PDCD1LG2: variants seen among roughly 807,000 people sequenced by gnomAD.
The protein encoded by PDCD1LG2 is programmed cell death 1 ligand 2, also known as B7 dendritic cell molecule.
PDCD1LG2 carries 32 observed loss-of-function variants against 28.2 expected under a neutral mutation model. The ratio of observed to expected loss-of-function variants is 1.13; its 90% CI spans 0.86 to 1.52. The LOEUF (loss-of-function observed/expected upper bound fraction) is 1.52, where lower values mean the gene tolerates loss of function less well. PDCD1LG2 is among the 40% of genes most tolerant of loss of function. The pLI is 0.00. For missense variants in PDCD1LG2, 385 were observed against 323.8 expected (o/e 1.19, Z -1.45); for synonymous variants, 116 against 120.2 (o/e 0.97, Z 0.23).
Position 5,530,281 on chromosome 9 carries a change from G to A in PDCD1LG2, c.56-4464G>A, listed in dbSNP as rs559042271. Among the ~76,000 whole-genome samples, 24 of 152,130 alleles carry A rather than the reference G, an allele frequency of 1.6e-4. 1 individual carries two copies. The South Asian group carries it at 4.1e-3, about 26-fold the overall frequency. ...TTTTCATGCTTTTGCCAAGTCTTTT[G>A]CCCTTTAGTTTAGTTAAGGGCCCCA... On this transcript the variant is annotated intron_variant, in intron 2 of 6. Coordinates refer to ENST00000397747, the MANE Select transcript of PDCD1LG2 (RefSeq NM_025239.4).
chr9:5,547,755 G>T (rs890160975), intron 3 of PDCD1LG2, among the ~76,000 whole-genome samples: 13 of 151,850 alleles, frequency 8.6e-5, no homozygotes. Context: ...TGACCAACAT[G>T]GTGAAACCCC....
chr9:5,563,750 G>A (rs1276245588), intron 6 of PDCD1LG2, among the ~76,000 whole-genome samples: 1 of 152,130 alleles, frequency 6.6e-6, no homozygotes, highest in East Asian at 1.9e-4. Flanking sequence ...TGATTGTGGG[G>A]GCTGGCAAGT....
At chr9:5,546,229 T>G (rs1264654062) in intron 3 of PDCD1LG2, among the ~76,000 whole-genome samples, 1 of 152,090 alleles carries the variant, frequency 6.6e-6, no homozygotes, top group Non-Finnish European at 1.5e-5. Flanking sequence ...TGAAATCACT[T>G]CTCAACCAGG....
intron 5 of PDCD1LG2, 130 bp downstream of exon 5, chr9:5,557,882 C>T: frequency 3.5e-6 from 4 of 1,147,682 alleles, no homozygotes; most frequent in Non-Finnish European, 5.0e-6. Context: ...CCACTTTGAG[C>T]TTGTCTTGAT....
intron 3 of PDCD1LG2, among the ~76,000 whole-genome samples, chr9:5,537,292 C>T (rs931172459): frequency 6.6e-6 from 1 of 152,082 alleles, no homozygotes; most frequent in African/African-American, 2.4e-5. Context: ...AGGCTGAATT[C>T]TATTATATAA....
rs1816761647 is a variant in PDCD1LG2 at position 5,571,249 on chromosome 9, C to A, written c.*1290C>A. The A allele has an allele frequency of 4.3e-6, 1 of 231,638 alleles. No individual in the cohort carries two copies. The highest frequency in any genetic ancestry group is 5.6e-5 in the Admixed American group (1 of 17,718). 14.3% of individuals were successfully genotyped at this position (231,638 alleles called of 1,614,324 possible). Reference sequence around the variant, plus strand: ...TAAAGAATAAAACTCAATTGTTATTCTTCAACGTTCTTTATATATTCTACT... The same window carrying A: ...TAAAGAATAAAACTCAATTGTTATTATTCAACGTTCTTTATATATTCTACT... On this transcript the variant is annotated 3_prime_UTR_variant, in exon 7 of 7. Transcript: ENST00000397747.
intron 3 of PDCD1LG2, among the ~76,000 whole-genome samples, chr9:5,543,400 G>T (rs543210674): frequency 1.3e-5 from 2 of 152,192 alleles, no homozygotes; most frequent in East Asian, 3.9e-4. Flanking sequence ...TTAGCCGGGC[G>T]TGGTGGCAGG....
Position 5,549,572 on chromosome 9 carries a change from G to A in PDCD1LG2, c.599G>A (p.Arg200Lys), listed in dbSNP as rs2129878364. ...TGTGTGTTCTGGAATACTCACGTGA[G>A]GGAACTTACTTTGGCCAGCATTGAC... Reference protein sequence around the residue: ...FSCVFWNTHVRELTLASIDLQ... With the variant: ...FSCVFWNTHVKELTLASIDLQ... The change falls in exon 4 of 7, where the codon AGG (arginine) becomes AAG (lysine). Residue 200 changes from arginine to lysine, a missense_variant. Physicochemically the swap from Arg to Lys is conservative, Grantham distance 26. Transcript: ENST00000397747. The A allele has an allele frequency of 6.2e-7, 1 of 1,614,210 alleles. No homozygotes were observed. Among genetic ancestry groups the A allele is most frequent in the Non-Finnish European group, 8.5e-7 (1 of 1,180,038 alleles).
intron 3 of PDCD1LG2, among the ~76,000 whole-genome samples, chr9:5,547,100 A>G (rs1563829880): frequency 6.6e-6 from 1 of 152,242 alleles, no homozygotes; most frequent in Non-Finnish European, 1.5e-5. Context: ...CATAGGATGT[A>G]AAAGGACGTG....
At position 5,557,267 on chromosome 9, in the gene PDCD1LG2, T is replaced by TGATG. The variant is rs560837820; in HGVS notation, c.632-340_632-337dup. Among the ~76,000 whole-genome samples, 6 of 151,436 alleles carry TGATG rather than the reference T, an allele frequency of 4.0e-5. No homozygotes were observed. The East Asian group carries it at 9.7e-4, about 24-fold the overall frequency. Reference sequence around the variant, plus strand: ...ATGATTAGATGATAGATGGATGGATTGATGGATGGATGGAAAAAAATAACA... The same window carrying TGATG: ...ATGATTAGATGATAGATGGATGGATTGATGGATGGATGGATGGAAAAAAATAACA... On this transcript the variant is annotated intron_variant, in intron 4 of 6. Transcript: ENST00000397747.
intron 4 of PDCD1LG2, among the ~76,000 whole-genome samples, chr9:5,556,402 A>C (rs781393503): frequency 6.6e-6 from 1 of 151,996 alleles, no homozygotes; most frequent in Non-Finnish European, 1.5e-5. Flanking sequence ...TGTTAATCAC[A>C]CTCTTTTGGA....
At chr9:5,522,437 A>G in intron 1 of PDCD1LG2, 96 bp from the exon 2 acceptor site, 2 of 919,176 alleles carry the variant, frequency 2.2e-6, no homozygotes, top group South Asian at 1.6e-5. Context: ...ACCTTCCCCA[A>G]ATGATTTGTT....
intron 1 of PDCD1LG2, among the ~76,000 whole-genome samples, chr9:5,512,074 G>A (rs1385882848): frequency 6.6e-6 from 1 of 152,238 alleles, no homozygotes; most frequent in East Asian, 1.9e-4. Context: ...GGTAGAGACA[G>A]TATTATGGGT....
At chr9:5,531,610 C>A (rs1820485625) in intron 2 of PDCD1LG2, among the ~76,000 whole-genome samples, 1 of 152,150 alleles carries the variant, frequency 6.6e-6, no homozygotes, top group African/African-American at 2.4e-5. Context: ...AAGGCCCAGG[C>A]AGTAAAGAGG....
chr9:5,537,558 G>T (rs1162482201), intron 3 of PDCD1LG2, among the ~76,000 whole-genome samples: 2 of 152,170 alleles, frequency 1.3e-5, no homozygotes, highest in East Asian at 3.8e-4. Context: ...CATAAAAAAT[G>T]ATGAGTTCAT....
intron 3 of PDCD1LG2, among the ~76,000 whole-genome samples, chr9:5,538,913 G>C (rs1307195588): frequency 6.6e-6 from 1 of 152,014 alleles, no homozygotes; most frequent in Non-Finnish European, 1.5e-5. Context: ...ACAATGTATA[G>C]TGATCAGATC....
chr9:5,521,917 G>A (rs773379912), intron 1 of PDCD1LG2, among the ~76,000 whole-genome samples: 1 of 152,172 alleles, frequency 6.6e-6, no homozygotes, highest in African/African-American at 2.4e-5. Context: ...GGTACAGCAG[G>A]ACCAAGGTGG....
chr9:5,514,325 T>C (rs1820115406), intron 1 of PDCD1LG2, among the ~76,000 whole-genome samples: 1 of 152,304 alleles, frequency 6.6e-6, no homozygotes, highest in African/African-American at 2.4e-5. Flanking sequence ...CCACAATTAT[T>C]TGTATTTCAT....
chr9:5,517,147 T>C (rs1366455402), intron 1 of PDCD1LG2, among the ~76,000 whole-genome samples: 1 of 152,098 alleles, frequency 6.6e-6, no homozygotes, highest in Non-Finnish European at 1.5e-5. Context: ...AATGACTGCT[T>C]TGGGGGAGAA....
Sources: allele counts gnomAD v4.1 joint callset (sites outside exome capture counted in the v4.1 genomes callset), GRCh38; gene constraint gnomAD v4.1.1; transcripts MANE v1.5; gene names NCBI Gene and HGNC (gene_info 2026-07-23, HGNC 2026-07-21).